Variants in FBN1 observed in about 807,000 individuals in gnomAD.
FBN1 encodes the protein fibrillin 1, also known as fibrillin-1.
Under a neutral mutation model 365.1 loss-of-function variants are expected in FBN1, and 29 were observed. The observed-to-expected ratio is 0.08, with a 90% CI of 0.06 to 0.11. FBN1 has a LOEUF of 0.11. FBN1 is among the 10% of genes least tolerant of loss of function. FBN1 has a pLI of 1.00. For missense variants in FBN1, 2,476 were observed against 3,703.2 expected (o/e 0.67, Z 8.60); for synonymous variants, 1,210 against 1,270.5 (o/e 0.95, Z 1.01).
At chr15:48,476,610 C>CTTTTTTTTTTTTTTTTTTTTT (rs56969171) in intron 32 of FBN1, 1 of 120,010 alleles carries the variant, frequency 8.3e-6, no homozygotes, top group Non-Finnish European at 1.7e-5. Context: ...CTTTTCTTTT[C>CTTTTTTTTTTTTTTTTTTTTT]TTTTTTTTTT....
chr15:48,447,455 T>C lies in FBN1; in HGVS notation c.5672-633A>G, dbSNP rs7169625. Among the ~76,000 whole-genome samples, 2,515 of 152,296 alleles carry C rather than the reference T, an allele frequency of 0.017. 208 individuals are homozygous for C. The East Asian group carries it at 0.24, about 15-fold the overall frequency. On this transcript the variant is annotated intron_variant, in intron 46 of 65. Coordinates refer to ENST00000316623, the MANE Select transcript of FBN1 (RefSeq NM_000138.5). ...ATACATGCTTGCATTCTTATTCGCC[T>C]TTTGATTGGTCCGTACTTTTCTCTG...
chr15:48,568,042 A>AAAGAAAG (rs1280216326), intron 6 of FBN1, among the ~76,000 whole-genome samples: 1 of 85,400 alleles, frequency 1.2e-5, no homozygotes, highest in East Asian at 2.9e-4. Flanking sequence ...AGAAAGAAAG[A>AAAGAAAG]AAGAAAGAAG....
At chr15:48,501,107 C>T (rs2043652052) in intron 17 of FBN1, among the ~76,000 whole-genome samples, 1 of 152,152 alleles carries the variant, frequency 6.6e-6, no homozygotes, top group Non-Finnish European at 1.5e-5. Flanking sequence ...GTTAGTGGAA[C>T]CGGGCCTTAC....
intron 2 of FBN1, among the ~76,000 whole-genome samples, chr15:48,627,319 A>T (rs1566941318): frequency 6.6e-6 from 1 of 152,240 alleles, no homozygotes; most frequent in Admixed American, 6.5e-5. Context: ...TGTTTCTGAA[A>T]TAGTTTCTGC....
intron 10 of FBN1, among the ~76,000 whole-genome samples, chr15:48,520,424 T>C (rs530472255): frequency 6.6e-6 from 1 of 152,298 alleles, no homozygotes; most frequent in African/African-American, 2.4e-5. Context: ...AGGTTTCTGT[T>C]TAGTAGTAAT....
At position 48,505,093 on chromosome 15, in the gene FBN1, G is replaced by A; in HGVS notation, c.1892C>T (p.Thr631Ile). 2.5e-6 allele frequency: 4 copies of A among 1,614,184 alleles called. No homozygotes were observed. The highest frequency in any genetic ancestry group is 3.4e-6 in the Non-Finnish European group (4 of 1,180,026). The change falls in exon 16 of 66, where the codon ACT becomes ATT. Residue 631 changes from threonine (T) to isoleucine (I), a missense_variant. Physicochemically the swap from Thr to Ile is moderately conservative, Grantham distance 89. Around this residue, in one of 5 missense-constraint regions of FBN1, gnomAD observed 1,780 missense variants for 2,840.8 expected, o/e 0.63. Transcript: ENST00000316623. ...GICMNGRCVN[T>I]DGSYRCECFP... Reference sequence around the variant, plus strand: ...GCATTCACATCTGTAGGAGCCATCAGTGTTGACGCAACGCCCATTCATGCA... The same window carrying A: ...GCATTCACATCTGTAGGAGCCATCAATGTTGACGCAACGCCCATTCATGCA...
chr15:48,551,206 A>G (rs1280700413), intron 6 of FBN1, among the ~76,000 whole-genome samples: 3 of 152,130 alleles, frequency 2.0e-5, no homozygotes, highest in African/African-American at 4.8e-5. Context: ...TGAGTAGTAA[A>G]TAAGTATACA....
chr15:48,487,816 T>A (rs1262212452), intron 27 of FBN1, among the ~76,000 whole-genome samples: 1 of 152,208 alleles, frequency 6.6e-6, no homozygotes, highest in Non-Finnish European at 1.5e-5. Flanking sequence ...GACAGACATC[T>A]TGTAAAGGGA....
intron 36 of FBN1, 121 bp from the exon 37 acceptor site, chr15:48,468,655 T>G: frequency 1.1e-6 from 1 of 948,826 alleles, no homozygotes; most frequent in Non-Finnish European, 1.6e-6. Flanking sequence ...TAGTTATAAC[T>G]ACATCTAGAA....
At chr15:48,624,941 G>A (rs16961247) in intron 2 of FBN1, among the ~76,000 whole-genome samples, 1,912 of 152,288 alleles carry the variant, frequency 0.013, 42 homozygotes, top group African/African-American at 0.044. Context: ...CCACTTCCCA[G>A]AAATTCTCAA....
chr15:48,599,203 C>A (rs773397229), intron 5 of FBN1, among the ~76,000 whole-genome samples: 1 of 152,028 alleles, frequency 6.6e-6, no homozygotes, highest in Non-Finnish European at 1.5e-5. Flanking sequence ...CATTATTAAT[C>A]CTAATAAATA....
intron 55 of FBN1, 115 bp downstream of exon 55, chr15:48,432,751 A>G: frequency 7.3e-7 from 1 of 1,369,504 alleles, no homozygotes; most frequent in Middle Eastern, 1.9e-4. Context: ...CGTATTGTCC[A>G]CGGACTATTT....
At chr15:48,442,688 G>A (rs569294970) in intron 49 of FBN1, among the ~76,000 whole-genome samples, 2 of 152,276 alleles carry the variant, frequency 1.3e-5, no homozygotes, top group South Asian at 4.1e-4. Context: ...ATTGTTAATA[G>A]TGCCCTTTTC....
chr15:48,561,299 G>A (rs773641765), intron 6 of FBN1, among the ~76,000 whole-genome samples: 4 of 152,100 alleles, frequency 2.6e-5, no homozygotes, highest in Non-Finnish European at 5.9e-5. Context: ...ATGTGTTTTT[G>A]TAGCCTGGGC....
At chr15:48,468,654 C>T in intron 36 of FBN1, 120 bp from the exon 37 acceptor site, 1 of 980,258 alleles carries the variant, frequency 1.0e-6, no homozygotes. Flanking sequence ...CTAGTTATAA[C>T]TACATCTAGA....
At chr15:48,567,698 A>G (rs1265667215) in intron 6 of FBN1, among the ~76,000 whole-genome samples, 1 of 152,172 alleles carries the variant, frequency 6.6e-6, no homozygotes, top group Non-Finnish European at 1.5e-5. Context: ...TTAATAGAAT[A>G]ACAGACAAAA....
intron 50 of FBN1, among the ~76,000 whole-genome samples, chr15:48,439,065 C>T (rs2043093677): frequency 6.6e-6 from 1 of 152,206 alleles, no homozygotes; most frequent in African/African-American, 2.4e-5. Flanking sequence ...CTAAGCACTT[C>T]TGTTAAGACA....
At chr15:48,644,402 C>A in intron 2 of FBN1, 1 of 704,732 alleles carries the variant, frequency 1.4e-6, no homozygotes, top group East Asian at 2.5e-5. Flanking sequence ...TAACCACGTC[C>A]TCTCCTTTGG....
rs368745534 is a variant in FBN1 at position 48,460,419 on chromosome 15, G to T, written c.5225-102C>A. The T allele has an allele frequency of 2.8e-5, 21 of 752,960 alleles. No homozygotes were observed. In the African/African-American group the frequency reaches 3.3e-4, roughly 12 times the overall value. The allele number at this position is 752,960 out of a possible 1,614,324, so 46.6% of individuals were successfully genotyped here. On this transcript the variant is annotated intron_variant, in intron 42 of 65. Coordinates refer to ENST00000316623, the MANE Select transcript of FBN1 (RefSeq NM_000138.5). ...TTGTAAGCATTCTTGAAAGGTATTT[G>T]TCTGTAGTTTGAAGAATTTAAAATA... is the stretch of plus-strand genomic sequence containing the variant.
Sources: gnomAD v4.1 joint callset for allele counts (sites outside exome capture counted in the v4.1 genomes callset) on GRCh38, gnomAD v4.1.1 for gene constraint, gnomAD v4.1.1 regional missense constraint, MANE v1.5 for transcripts, NCBI Gene and HGNC (gene_info 2026-07-23, HGNC 2026-07-21) for gene names.